Variants in CDC42BPA observed in about 807,000 individuals in gnomAD.
The protein encoded by CDC42BPA is CDC42 binding protein kinase alpha, also known as serine/threonine-protein kinase MRCK alpha.
A neutral mutation model predicts 223.5 loss-of-function variants in CDC42BPA; 80 were observed. The observed-to-expected ratio is 0.36, with a 90% CI of 0.30 to 0.43. The LOEUF (loss-of-function observed/expected upper bound fraction) is 0.43, where lower values mean the gene tolerates loss of function less well. Ranked by LOEUF, CDC42BPA falls within the 20% of genes least tolerant of loss-of-function variation. CDC42BPA has a pLI of 1.00. For missense variants in CDC42BPA, 1,743 were observed against 2,099.9 expected (o/e 0.83, Z 3.32); for synonymous variants, 694 against 718.6 (o/e 0.97, Z 0.55).
intron 35 of CDC42BPA, chr1:227,004,624 T>C: frequency 3.7e-6 from 1 of 266,886 alleles, no homozygotes; most frequent in East Asian, 7.8e-5. Flanking sequence ...TACTCAAACA[T>C]GACTCCACCT....
chr1:227,168,472 C>CT (rs1665448300), intron 5 of CDC42BPA, among the ~76,000 whole-genome samples: 1 of 131,544 alleles, frequency 7.6e-6, no homozygotes, highest in Admixed American at 7.6e-5. Flanking sequence ...TTGACATGGC[C>CT]TTTTTCATAT....
At chr1:227,196,460 C>T (rs534055115) in intron 4 of CDC42BPA, among the ~76,000 whole-genome samples, 35 of 151,174 alleles carry the variant, frequency 2.3e-4, no homozygotes, top group Non-Finnish European at 3.5e-4. Context: ...CTGCCTCAGC[C>T]TCCCCAGTAC....
intron 1 of CDC42BPA, among the ~76,000 whole-genome samples, chr1:227,310,196 T>G (rs920285645): frequency 6.6e-6 from 1 of 152,244 alleles, no homozygotes; most frequent in Non-Finnish European, 1.5e-5. Context: ...CATAGTCAGA[T>G]AAACTTCATA....
rs1338210314 is a variant in CDC42BPA at position 227,101,057 on chromosome 1, C to G, written c.2184G>C (p.Gln728His). ...LKKELHDSEG[Q>H]QLALNKEIMI... ...TAATTTCTTTGTTGAGAGCAAGTTG[C>G]TGACCTTCTGAATCATGCAGTTCTT... is the stretch of plus-strand genomic sequence containing the variant. The change falls in exon 15 of 37, where the codon CAG (glutamine) becomes CAC (histidine). Residue 728 changes from glutamine (Q) to histidine (H), a missense_variant. Around this residue, in one of 6 missense-constraint regions of CDC42BPA, gnomAD observed 464 missense variants for 488.0 expected, o/e 0.95. Coordinates refer to ENST00000366766, the MANE Select transcript of CDC42BPA (RefSeq NM_001394014.1). 3 of 1,569,928 alleles carry G rather than the reference C, an allele frequency of 1.9e-6. No homozygotes were observed. The South Asian group carries it at 3.3e-5, about 18-fold the overall frequency.
At chr1:227,265,969 C>T (rs1684929560) in intron 1 of CDC42BPA, among the ~76,000 whole-genome samples, 2 of 152,068 alleles carry the variant, frequency 1.3e-5, no homozygotes, top group African/African-American at 2.4e-5. Context: ...GGATTAAGTC[C>T]GCTTTGTTCA....
At chr1:227,068,711 G>A (rs760608373) in intron 21 of CDC42BPA, 4 of 1,129,540 alleles carry the variant, frequency 3.5e-6, no homozygotes, top group Middle Eastern at 2.5e-4. Flanking sequence ...CCTATTTAAC[G>A]AATACAGCAA....
At chr1:227,074,212 C>CT in intron 18 of CDC42BPA, 47 bp downstream of exon 18, 1 of 1,463,424 alleles carries the variant, frequency 6.8e-7, no homozygotes, top group Non-Finnish European at 9.5e-7. Flanking sequence ...TTTTAAATCT[C>CT]TTTTTTCTAA....
At chr1:227,102,124 T>C (rs1685146646) in intron 14 of CDC42BPA, among the ~76,000 whole-genome samples, 2 of 152,162 alleles carry the variant, frequency 1.3e-5, no homozygotes, top group African/African-American at 4.8e-5. Context: ...GGTCACTGTA[T>C]TCTTTTTTGA....
chr1:227,217,816 C>G (rs751932740), intron 2 of CDC42BPA, among the ~76,000 whole-genome samples: 1 of 152,132 alleles, frequency 6.6e-6, no homozygotes, highest in Non-Finnish European at 1.5e-5. Flanking sequence ...TCTAGCCCCA[C>G]GAAGCCACAC....
At chr1:227,041,675 G>A (rs554084472) in intron 23 of CDC42BPA, among the ~76,000 whole-genome samples, 1 of 152,204 alleles carries the variant, frequency 6.6e-6, no homozygotes, top group East Asian at 1.9e-4. Flanking sequence ...ATTAGTCAGA[G>A]AATGGGGTGA....
At chr1:227,245,625 C>T (rs537821569) in intron 2 of CDC42BPA, among the ~76,000 whole-genome samples, 2 of 152,238 alleles carry the variant, frequency 1.3e-5, no homozygotes, top group Admixed American at 1.3e-4. Flanking sequence ...ACTAGCTCAG[C>T]CACACTAGAA....
At chr1:227,298,263 T>C (rs1171293629) in intron 1 of CDC42BPA, among the ~76,000 whole-genome samples, 1 of 151,776 alleles carries the variant, frequency 6.6e-6, no homozygotes, top group Non-Finnish European at 1.5e-5. Context: ...CCAAGAAATA[T>C]ACACAAACAC....
intron 2 of CDC42BPA, among the ~76,000 whole-genome samples, chr1:227,238,985 G>T (rs533319369): frequency 6.6e-6 from 1 of 152,284 alleles, no homozygotes; most frequent in East Asian, 1.9e-4. Context: ...AGAGCTAACT[G>T]ATGTATAAAA....
intron 1 of CDC42BPA, among the ~76,000 whole-genome samples, chr1:227,262,704 C>G (rs981675514): frequency 6.6e-6 from 1 of 152,126 alleles, no homozygotes. Context: ...TTTTCACATC[C>G]GCAATCCCAG....
chr1:227,072,547 G>A (rs1329083467), intron 19 of CDC42BPA, among the ~76,000 whole-genome samples: 2 of 151,952 alleles, frequency 1.3e-5, no homozygotes, highest in Non-Finnish European at 2.9e-5. Flanking sequence ...CAATAGCAGA[G>A]ATGAGAAGCT....
chr1:227,090,077 T>TAA (rs1298567117), intron 16 of CDC42BPA, among the ~76,000 whole-genome samples: 2 of 152,196 alleles, frequency 1.3e-5, no homozygotes, highest in Non-Finnish European at 2.9e-5. Flanking sequence ...AAATAACTGT[T>TAA]AAAGTTCATG....
intron 5 of CDC42BPA, among the ~76,000 whole-genome samples, chr1:227,178,938 G>C (rs1158592465): frequency 6.6e-6 from 1 of 152,094 alleles, no homozygotes; most frequent in Non-Finnish European, 1.5e-5. Flanking sequence ...TACACTTTTG[G>C]TTCTTTCTCA....
intron 34 of CDC42BPA, among the ~76,000 whole-genome samples, chr1:227,014,438 T>C (rs1665823632): frequency 6.6e-6 from 1 of 152,142 alleles, no homozygotes; most frequent in Non-Finnish European, 1.5e-5. Flanking sequence ...GTAATGGTAA[T>C]AAGAATGTCA....
At chr1:227,079,374 G>C (rs545004713) in intron 17 of CDC42BPA, among the ~76,000 whole-genome samples, 1 of 151,884 alleles carries the variant, frequency 6.6e-6, no homozygotes, top group African/African-American at 2.4e-5. Flanking sequence ...TCCATTACTA[G>C]CACCACTTCC....
Sources: gnomAD v4.1 joint callset for allele counts (sites outside exome capture counted in the v4.1 genomes callset) on GRCh38, gnomAD v4.1.1 for gene constraint, gnomAD v4.1.1 regional missense constraint, MANE v1.5 for transcripts, NCBI Gene and HGNC (gene_info 2026-07-23, HGNC 2026-07-21) for gene names.